Variants in ARHGAP15 observed in about 807,000 individuals in gnomAD.
ARHGAP15 encodes rho GTPase-activating protein 15.
ARHGAP15 carries 51 observed loss-of-function variants against 63.7 expected under a neutral mutation model. The ratio of observed to expected loss-of-function variants is 0.80; its 90% CI spans 0.64 to 1.01. The LOEUF (loss-of-function observed/expected upper bound fraction) is 1.01. Ranked by LOEUF, ARHGAP15 falls within the 50% of genes least tolerant of loss-of-function variation. The probability of loss-of-function intolerance (pLI) is 0.00; values close to 1 mark genes in which losing one functional copy is unlikely to be tolerated. For missense variants in ARHGAP15, 560 were observed against 564.6 expected (o/e 0.99, Z 0.08); for synonymous variants, 191 against 193.8 (o/e 0.99, Z 0.12).
intron 6 of ARHGAP15, among the ~76,000 whole-genome samples, chr2:143,352,604 A>G (rs1169879180): frequency 1.3e-5 from 2 of 152,222 alleles, no homozygotes; most frequent in Non-Finnish European, 1.5e-5. Context: ...GCCACAATAC[A>G]AATTAACATC....
chr2:143,480,180 G>T (rs1293080452), intron 8 of ARHGAP15, among the ~76,000 whole-genome samples: 3 of 152,112 alleles, frequency 2.0e-5, no homozygotes, highest in Non-Finnish European at 4.4e-5. Context: ...AGACAGTGAA[G>T]AATTTACATC....
chr2:143,748,107 G>A (rs1394009379), intron 13 of ARHGAP15, among the ~76,000 whole-genome samples: 3 of 152,144 alleles, frequency 2.0e-5, no homozygotes, highest in Non-Finnish European at 4.4e-5. Flanking sequence ...AAATGAATGT[G>A]GTTACTATCA....
At chr2:143,755,349 A>G (rs1027113207) in intron 13 of ARHGAP15, among the ~76,000 whole-genome samples, 15 of 151,770 alleles carry the variant, frequency 9.9e-5, no homozygotes, top group African/African-American at 3.6e-4. Flanking sequence ...TTCTTATTGT[A>G]TCTTTGTCTG....
At chr2:143,550,283 A>T (rs1371794625) in intron 10 of ARHGAP15, among the ~76,000 whole-genome samples, 1 of 152,212 alleles carries the variant, frequency 6.6e-6, no homozygotes, top group African/African-American at 2.4e-5. Context: ...AGATTATGAA[A>T]CTGAAATAAA....
At chr2:143,757,814 A>C (rs1686632716) in intron 13 of ARHGAP15, among the ~76,000 whole-genome samples, 1 of 152,154 alleles carries the variant, frequency 6.6e-6, no homozygotes, top group Non-Finnish European at 1.5e-5. Context: ...TAGTTATCTG[A>C]TCTCTTTAAA....
intron 13 of ARHGAP15, among the ~76,000 whole-genome samples, chr2:143,716,214 T>C (rs141468977): frequency 1.1e-3 from 172 of 152,228 alleles, no homozygotes; most frequent in African/African-American, 4.0e-3. Context: ...TAAGACTGCA[T>C]GTTAAAAGGG....
At chr2:143,187,631 A>G (rs1414945532) in intron 2 of ARHGAP15, among the ~76,000 whole-genome samples, 1 of 152,218 alleles carries the variant, frequency 6.6e-6, no homozygotes, top group East Asian at 1.9e-4. Context: ...CTAAGCCACA[A>G]AGATGAGAGG....
At chr2:143,550,117 C>T (rs568102162) in intron 10 of ARHGAP15, among the ~76,000 whole-genome samples, 5 of 152,250 alleles carry the variant, frequency 3.3e-5, no homozygotes, top group South Asian at 2.1e-4. Flanking sequence ...ATATGAGTGA[C>T]ATTTTACTGC....
chr2:143,292,100 ATAG>A (rs1682430220), intron 6 of ARHGAP15, among the ~76,000 whole-genome samples: 1 of 65,752 alleles, frequency 1.5e-5, no homozygotes, highest in African/African-American at 6.5e-5. Flanking sequence ...AGTATAAATA[ATAG>A]TGGGCTTTTC....
intron 13 of ARHGAP15, 44 bp downstream of exon 13, chr2:143,703,568 C>A: frequency 6.9e-7 from 1 of 1,438,862 alleles, no homozygotes; most frequent in Non-Finnish European, 9.6e-7. Flanking sequence ...ATAGTCATTT[C>A]CTAAATGGGC....
At chr2:143,588,462 C>T (rs1473479278) in intron 11 of ARHGAP15, among the ~76,000 whole-genome samples, 1 of 152,032 alleles carries the variant, frequency 6.6e-6, no homozygotes, top group Admixed American at 6.6e-5. Flanking sequence ...ATTTAATGAC[C>T]TGTCCTCTAA....
intron 6 of ARHGAP15, among the ~76,000 whole-genome samples, chr2:143,312,790 G>A (rs143352246): frequency 1.1e-4 from 17 of 152,240 alleles, no homozygotes; most frequent in Admixed American, 4.6e-4. Flanking sequence ...GAGAAATTCA[G>A]TTTCCAACAA....
intron 2 of ARHGAP15, among the ~76,000 whole-genome samples, chr2:143,166,262 T>C (rs1188440200): frequency 6.6e-6 from 1 of 152,088 alleles, no homozygotes; most frequent in Non-Finnish European, 1.5e-5. Flanking sequence ...AATTTTACTC[T>C]AGTGGTGTGT....
At chr2:143,262,088 G>T (rs961765279) in intron 6 of ARHGAP15, among the ~76,000 whole-genome samples, 14 of 152,140 alleles carry the variant, frequency 9.2e-5, no homozygotes, top group African/African-American at 3.4e-4. Context: ...GATAGTAAAA[G>T]ATGTGTAACG....
At chr2:143,630,551 T>G (rs1699024324) in intron 12 of ARHGAP15, among the ~76,000 whole-genome samples, 2 of 152,120 alleles carry the variant, frequency 1.3e-5, no homozygotes, top group Admixed American at 1.3e-4. Flanking sequence ...TTCATAACTC[T>G]AGATAATATC....
At chr2:143,328,914 A>G (rs1171502406) in intron 6 of ARHGAP15, among the ~76,000 whole-genome samples, 1 of 152,262 alleles carries the variant, frequency 6.6e-6, no homozygotes, top group Non-Finnish European at 1.5e-5. Flanking sequence ...ATTGTTATGC[A>G]TTACATGCCT....
intron 11 of ARHGAP15, among the ~76,000 whole-genome samples, chr2:143,569,162 T>C (rs1403561211): frequency 1.4e-5 from 2 of 140,380 alleles, no homozygotes; most frequent in Non-Finnish European, 3.2e-5. Flanking sequence ...TAAAGTATAA[T>C]AATTTAAACA....
chr2:143,395,426 G>C (rs952173465), intron 6 of ARHGAP15, among the ~76,000 whole-genome samples: 5 of 152,146 alleles, frequency 3.3e-5, no homozygotes, highest in African/African-American at 9.7e-5. Flanking sequence ...TAAATCAAAA[G>C]AAGGATACTA....
intron 12 of ARHGAP15, among the ~76,000 whole-genome samples, chr2:143,637,768 A>G (rs1300352650): frequency 1.3e-5 from 2 of 151,992 alleles, no homozygotes; most frequent in African/African-American, 4.8e-5. Flanking sequence ...AAGGGCTAAT[A>G]TCCAGAATCT....
Sources: gnomAD v4.1 joint callset for allele counts (sites outside exome capture counted in the v4.1 genomes callset) on GRCh38, gnomAD v4.1.1 for gene constraint, MANE v1.5 for transcripts, NCBI Gene and HGNC (gene_info 2026-07-23, HGNC 2026-07-21) for gene names.